Variants in PAK5 observed in about 807,000 individuals in gnomAD.
The protein encoded by PAK5 is serine/threonine-protein kinase PAK 5.
A neutral mutation model predicts 65.9 loss-of-function variants in PAK5; 16 were observed. The ratio of observed to expected loss-of-function variants is 0.24; its 90% CI spans 0.16 to 0.37. PAK5 has a LOEUF of 0.37. Among genes scored for constraint, PAK5 ranks in the 10% least tolerant of loss-of-function variants. The pLI, the probability that PAK5 is intolerant of heterozygous loss-of-function variation, is 1.00. For synonymous variants in PAK5, 371 were observed against 354.9 expected (o/e 1.05, Z -0.51); for missense variants, 785 against 903.9 (o/e 0.87, Z 1.69).
intron 2 of PAK5, among the ~76,000 whole-genome samples, chr20:9,660,491 G>C (rs2047330205): frequency 1.3e-5 from 2 of 151,530 alleles, no homozygotes; most frequent in South Asian, 2.1e-4. Context: ...CTCATGATAG[G>C]AGAGAAAACA....
chr20:9,765,399 C>T (rs2048745459), intron 1 of PAK5, among the ~76,000 whole-genome samples: 1 of 152,100 alleles, frequency 6.6e-6, no homozygotes, highest in African/African-American at 2.4e-5. Flanking sequence ...TGCAAAAATA[C>T]TGATTGCCTA....
At chr20:9,811,378 C>T (rs2049296369) in intron 1 of PAK5, among the ~76,000 whole-genome samples, 1 of 152,056 alleles carries the variant, frequency 6.6e-6, no homozygotes, top group African/African-American at 2.4e-5. Flanking sequence ...AATATGTGTT[C>T]CTAGAATTCA....
intron 3 of PAK5, among the ~76,000 whole-genome samples, chr20:9,611,957 T>G (rs1358972304): frequency 1.3e-5 from 2 of 152,208 alleles, no homozygotes; most frequent in Non-Finnish European, 2.9e-5. Context: ...AAATTCTTTG[T>G]GCAGGAACTA....
At chr20:9,767,373 T>C (rs1392392402) in intron 1 of PAK5, among the ~76,000 whole-genome samples, 2 of 152,230 alleles carry the variant, frequency 1.3e-5, no homozygotes, top group East Asian at 3.8e-4. Context: ...TCCACTCACC[T>C]GTCTGCTTAA....
intron 2 of PAK5, among the ~76,000 whole-genome samples, chr20:9,654,869 C>T (rs1024394331): frequency 3.3e-5 from 5 of 152,200 alleles, no homozygotes; most frequent in African/African-American, 1.2e-4. Context: ...AGTCTCTTTT[C>T]TGGTCTCAGA....
intron 3 of PAK5, among the ~76,000 whole-genome samples, chr20:9,601,661 T>C (rs577248380): frequency 6.0e-4 from 91 of 152,290 alleles, no homozygotes; most frequent in African/African-American, 2.2e-3. Flanking sequence ...TGGGACCCAC[T>C]GACTTTGAAC....
intron 1 of PAK5, among the ~76,000 whole-genome samples, chr20:9,785,713 G>A (rs2048985621): frequency 6.6e-6 from 1 of 152,122 alleles, no homozygotes; most frequent in South Asian, 2.1e-4. Flanking sequence ...AAGACCTTCT[G>A]CTAGTAACTT....
At chr20:9,577,164 T>C (rs1190407651) in intron 4 of PAK5, among the ~76,000 whole-genome samples, 5 of 151,106 alleles carry the variant, frequency 3.3e-5, no homozygotes, top group Admixed American at 3.3e-4. Context: ...TTGGCTTTGC[T>C]TCCCACCCTC....
At chr20:9,704,740 G>C (rs1021720706) in intron 2 of PAK5, among the ~76,000 whole-genome samples, 1 of 152,118 alleles carries the variant, frequency 6.6e-6, no homozygotes, top group East Asian at 1.9e-4. Context: ...AGCAGGGAAG[G>C]GTGAGCAGCA....
intron 3 of PAK5, among the ~76,000 whole-genome samples, chr20:9,606,622 A>G (rs1384395626): frequency 6.6e-6 from 1 of 152,176 alleles, no homozygotes; most frequent in Non-Finnish European, 1.5e-5. Context: ...AATTCCATGA[A>G]AATTAAGTTC....
intron 6 of PAK5, among the ~76,000 whole-genome samples, chr20:9,559,928 A>G (rs982400814): frequency 1.3e-5 from 2 of 152,214 alleles, no homozygotes; most frequent in African/African-American, 4.8e-5. Context: ...CCATTTTCAC[A>G]TGTGGAAAAA....
At chr20:9,625,701 C>T (rs778283375) in intron 3 of PAK5, among the ~76,000 whole-genome samples, 58 of 152,176 alleles carry the variant, frequency 3.8e-4, no homozygotes, top group Non-Finnish European at 7.2e-4. Flanking sequence ...GCCTCAGACT[C>T]CCCAGTAGCT....
At chr20:9,581,400 C>G (rs562514314) in intron 3 of PAK5, among the ~76,000 whole-genome samples, 13 of 152,100 alleles carry the variant, frequency 8.5e-5, no homozygotes, top group Non-Finnish European at 1.8e-4. Context: ...GGCATTATCA[C>G]CCAACTATTA....
At chr20:9,775,239 T>G (rs1340953318) in intron 1 of PAK5, among the ~76,000 whole-genome samples, 1 of 149,038 alleles carries the variant, frequency 6.7e-6, no homozygotes, top group Non-Finnish European at 1.5e-5. Flanking sequence ...TGCCTTTCAC[T>G]GAATGTAAAT....
intron 3 of PAK5, among the ~76,000 whole-genome samples, chr20:9,595,131 A>G (rs2046241284): frequency 6.6e-6 from 1 of 151,310 alleles, no homozygotes; most frequent in African/African-American, 2.4e-5. Flanking sequence ...ATATAGAGAG[A>G]GAGAGAGATA....
chr20:9,800,549 C>A (rs1231029041), intron 1 of PAK5, among the ~76,000 whole-genome samples: 2 of 151,932 alleles, frequency 1.3e-5, no homozygotes, highest in African/African-American at 4.8e-5. Context: ...ATAAATATTA[C>A]CAGTAAGTAG....
intron 1 of PAK5, among the ~76,000 whole-genome samples, chr20:9,744,654 GA>G (rs1421969860): frequency 6.6e-6 from 1 of 152,156 alleles, no homozygotes; most frequent in Non-Finnish European, 1.5e-5. Context: ...CATCACAGCA[GA>G]ACTTCACATG....
chr20:9,796,678 C>T (rs2049108565), intron 1 of PAK5, among the ~76,000 whole-genome samples: 1 of 152,064 alleles, frequency 6.6e-6, no homozygotes, highest in Non-Finnish European at 1.5e-5. Flanking sequence ...GGGGTTATCA[C>T]AGGAAACAGG....
chr20:9,597,716 G>A (rs2046294980), intron 3 of PAK5, among the ~76,000 whole-genome samples: 1 of 152,186 alleles, frequency 6.6e-6, no homozygotes, highest in African/African-American at 2.4e-5. Context: ...TACGTTTCTA[G>A]AGGCTGTGCA....
Sources: allele counts gnomAD v4.1 joint callset (sites outside exome capture counted in the v4.1 genomes callset), GRCh38; gene constraint gnomAD v4.1.1; transcripts MANE v1.5; gene names NCBI Gene and HGNC (gene_info 2026-07-23, HGNC 2026-07-21).